Variants in FBXL7 observed in about 807,000 individuals in gnomAD.
The protein encoded by FBXL7 is F-box/LRR-repeat protein 7.
A neutral mutation model predicts 38.3 loss-of-function variants in FBXL7; 12 were observed. The observed-to-expected ratio is 0.31, with a 90% confidence interval of 0.20 to 0.51. The LOEUF (loss-of-function observed/expected upper bound fraction) is 0.51, where lower values mean the gene tolerates loss of function less well. Among genes scored for constraint, FBXL7 ranks in the 20% least tolerant of loss-of-function variants. The pLI, the probability that FBXL7 is intolerant of heterozygous loss-of-function variation, is 0.98. For synonymous variants in FBXL7, 297 were observed against 300.9 expected, an observed-to-expected ratio of 0.99 and a Z score of 0.13; for missense variants, 567 against 676.4, an observed-to-expected ratio of 0.84 and a Z score of 1.79.
intron 1 of FBXL7, among the ~76,000 whole-genome samples, chr5:15,541,665 C>G (rs932602505): frequency 1.3e-5 from 2 of 150,532 alleles, no homozygotes; most frequent in Non-Finnish European, 3.0e-5. Context: ...GTGCCTCAGC[C>G]TCCCAAGTAG....
chr5:15,932,308 G>A (rs924073698), intron 3 of FBXL7, among the ~76,000 whole-genome samples: 10 of 152,128 alleles, frequency 6.6e-5, no homozygotes, highest in Non-Finnish European at 1.2e-4. Context: ...TGTCATTGTC[G>A]TTGTATTGTC....
At chr5:15,885,724 A>AT (rs1350939105) in intron 2 of FBXL7, among the ~76,000 whole-genome samples, 1 of 151,538 alleles carries the variant, frequency 6.6e-6, no homozygotes, top group South Asian at 2.1e-4. Flanking sequence ...ATTTTTTTTT[A>AT]TTTTTTTGAG....
At chr5:15,741,641 G>A (rs1395452087) in intron 2 of FBXL7, among the ~76,000 whole-genome samples, 1 of 152,180 alleles carries the variant, frequency 6.6e-6, no homozygotes, top group Non-Finnish European at 1.5e-5. Flanking sequence ...CATCTGGTTT[G>A]TGTGTTCTCA....
At chr5:15,900,958 C>T (rs1381727324) in intron 2 of FBXL7, among the ~76,000 whole-genome samples, 1 of 152,086 alleles carries the variant, frequency 6.6e-6, no homozygotes, top group Non-Finnish European at 1.5e-5. Context: ...CTTGATGAAA[C>T]CTAAATTCTT....
chr5:15,932,879 T>C (rs1220431015), intron 3 of FBXL7, among the ~76,000 whole-genome samples: 1 of 152,198 alleles, frequency 6.6e-6, no homozygotes, highest in Non-Finnish European at 1.5e-5. Flanking sequence ...TTCTACTGTA[T>C]ATCTCTTGTG....
intron 1 of FBXL7, among the ~76,000 whole-genome samples, chr5:15,609,280 G>A (rs1397776093): frequency 6.6e-6 from 1 of 152,180 alleles, no homozygotes; most frequent in Non-Finnish European, 1.5e-5. Context: ...ATGAATCAGA[G>A]CCACCTGAAG....
At chr5:15,875,289 A>G (rs376928182) in intron 2 of FBXL7, among the ~76,000 whole-genome samples, 4 of 152,364 alleles carry the variant, frequency 2.6e-5, no homozygotes, top group East Asian at 1.9e-4. Flanking sequence ...TGTAAACATA[A>G]GATCTAAAAC....
chr5:15,913,568 T>C (rs1741501157), intron 2 of FBXL7, among the ~76,000 whole-genome samples: 1 of 152,228 alleles, frequency 6.6e-6, no homozygotes, highest in Non-Finnish European at 1.5e-5. Flanking sequence ...AATGTATTAG[T>C]ATCTTTTTAC....
intron 2 of FBXL7, among the ~76,000 whole-genome samples, chr5:15,674,333 AGATGTAT>A (rs1186781019): frequency 2.0e-5 from 3 of 152,336 alleles, no homozygotes; most frequent in African/African-American, 7.2e-5. Flanking sequence ...AGAAGTATGT[AGATGTAT>A]GATGAAGTTT....
intron 2 of FBXL7, among the ~76,000 whole-genome samples, chr5:15,666,151 T>C (rs1742267708): frequency 6.6e-6 from 1 of 152,190 alleles, no homozygotes; most frequent in South Asian, 2.1e-4. Flanking sequence ...ATTGATACAT[T>C]TAACTTGATA....
At chr5:15,590,146 G>A (rs781057509) in intron 1 of FBXL7, among the ~76,000 whole-genome samples, 56 of 152,262 alleles carry the variant, frequency 3.7e-4, no homozygotes, top group African/African-American at 1.0e-3. Flanking sequence ...TGGAGTAATG[G>A]ACAGACTGGG....
intron 2 of FBXL7, among the ~76,000 whole-genome samples, chr5:15,802,958 A>G (rs1737611589): frequency 6.6e-6 from 1 of 152,084 alleles, no homozygotes; most frequent in Non-Finnish European, 1.5e-5. Context: ...CGGCCCCACC[A>G]CGTCATTCTT....
rs1014412293 is a variant in FBXL7, at chr5:15,789,206, C to CT, written c.128-138675dup. Among the ~76,000 whole-genome samples, 342 of 151,530 alleles carry CT rather than the reference C, an allele frequency of 2.3e-3. 2 individuals are homozygous for CT. The highest frequency in any genetic ancestry group is 7.4e-3 in the African/African-American group (304 of 41,358). ...GCCAGTGCTCTACAAGACCTCATAT[C>CT]TTTTTTTTTGTTGTTGTTAGCAGCC... On this transcript the variant is annotated intron_variant, in intron 2 of 3. Transcript: ENST00000504595.
chr5:15,620,880 T>G (rs975471359), intron 2 of FBXL7, among the ~76,000 whole-genome samples: 8 of 152,186 alleles, frequency 5.3e-5, no homozygotes, highest in African/African-American at 1.9e-4. Flanking sequence ...CCCTGCGTAG[T>G]CTCTCACCTC....
chr5:15,813,520 G>A (rs1266008622), intron 2 of FBXL7, among the ~76,000 whole-genome samples: 1 of 151,994 alleles, frequency 6.6e-6, no homozygotes, highest in Non-Finnish European at 1.5e-5. Flanking sequence ...GCATGGGCAA[G>A]GACTTCATGT....
intron 2 of FBXL7, among the ~76,000 whole-genome samples, chr5:15,644,270 C>T (rs1346070910): frequency 6.9e-6 from 1 of 144,184 alleles, no homozygotes; most frequent in Non-Finnish European, 1.5e-5. Context: ...ACCAGCCTGG[C>T]CAACATGGAG....
chr5:15,595,066 T>G (rs1739587742), intron 1 of FBXL7, among the ~76,000 whole-genome samples: 2 of 152,232 alleles, frequency 1.3e-5, no homozygotes, highest in Admixed American at 1.3e-4. Flanking sequence ...GGGCTCCACG[T>G]GTAGTCTTTT....
chr5:15,574,675 G>A (rs1184200882), intron 1 of FBXL7, among the ~76,000 whole-genome samples: 3 of 152,168 alleles, frequency 2.0e-5, no homozygotes, highest in Non-Finnish European at 4.4e-5. Context: ...AATGGAGAGA[G>A]TGAGAGAGTA....
intron 2 of FBXL7, among the ~76,000 whole-genome samples, chr5:15,800,209 A>G (rs1194746911): frequency 6.6e-6 from 1 of 152,178 alleles, no homozygotes; most frequent in Non-Finnish European, 1.5e-5. Flanking sequence ...CTGCTGCAGA[A>G]TGATGGATAT....
Sources: allele counts gnomAD v4.1 joint callset (sites outside exome capture counted in the v4.1 genomes callset), GRCh38; gene constraint gnomAD v4.1.1; transcripts MANE v1.5; gene names NCBI Gene and HGNC (gene_info 2026-07-23, HGNC 2026-07-21).